Variants in CAST observed in about 807,000 individuals in gnomAD.
CAST encodes MIR583 host.
CAST carries 76 observed loss-of-function variants against 119.6 expected under a neutral mutation model. That is an observed-to-expected ratio of 0.64 (90% CI 0.53 to 0.77). CAST has a LOEUF of 0.77. CAST is among the 30% of genes least tolerant of loss of function. The probability of loss-of-function intolerance (pLI) is 0.00; values close to 1 mark genes in which losing one functional copy is unlikely to be tolerated. For synonymous variants in CAST, 319 were observed against 331.6 expected, an observed-to-expected ratio of 0.96 and a Z score of 0.41; for missense variants, 953 against 946.5, an observed-to-expected ratio of 1.01 and a Z score of -0.09.
chr5:96,482,832 T>C, the CAST span, among the ~76,000 whole-genome samples: 4 of 151,942 alleles, frequency 2.6e-5, no homozygotes, highest in African/African-American at 9.7e-5. Flanking sequence ...CAAGGAAAAA[T>C]GGAGCCCATG....
the CAST span, among the ~76,000 whole-genome samples, chr5:96,237,652 G>C: frequency 6.6e-6 from 1 of 151,670 alleles, no homozygotes; most frequent in African/African-American, 2.4e-5. Context: ...TTCTTAATTT[G>C]ATTTTGGAAA....
At chr5:96,625,319 A>G (rs1039797276) in intron 1 of CAST, among the ~76,000 whole-genome samples, 11 of 151,944 alleles carry the variant, frequency 7.2e-5, no homozygotes, top group African/African-American at 2.7e-4. Context: ...TCATACGCAC[A>G]CTTAGAAAGT....
At chr5:96,703,519 TA>T (rs1425865010) in intron 3 of CAST, among the ~76,000 whole-genome samples, 3 of 152,368 alleles carry the variant, frequency 2.0e-5, no homozygotes, top group African/African-American at 7.2e-5. Context: ...GTCTATCTTT[TA>T]AGAATACAAA....
intron 9 of CAST, among the ~76,000 whole-genome samples, chr5:96,733,877 C>CA (rs923080675): frequency 7.9e-5 from 12 of 151,880 alleles, no homozygotes; most frequent in Admixed American, 7.9e-4. Flanking sequence ...AACACTGTCT[C>CA]AAAAAAATAA....
At chr5:96,019,662 C>G in the CAST span, among the ~76,000 whole-genome samples, 2 of 152,184 alleles carry the variant, frequency 1.3e-5, no homozygotes, top group East Asian at 3.9e-4. Flanking sequence ...TGACCTCTCC[C>G]AAAGGTCCTG....
the CAST span, among the ~76,000 whole-genome samples, chr5:96,239,253 A>C: frequency 6.6e-6 from 1 of 152,166 alleles, no homozygotes; most frequent in South Asian, 2.1e-4. Context: ...AGTCATTTAA[A>C]TAGTACCTGG....
intron 20 of CAST, among the ~76,000 whole-genome samples, chr5:96,753,028 C>G (rs1328324272): frequency 1.3e-5 from 2 of 150,356 alleles, no homozygotes; most frequent in African/African-American, 2.5e-5. Context: ...GAGTCTCGTT[C>G]TGTCATCCAG....
At chr5:96,431,835 G>A in the CAST span, among the ~76,000 whole-genome samples, 1 of 152,068 alleles carries the variant, frequency 6.6e-6, no homozygotes, top group Middle Eastern at 3.2e-3. Flanking sequence ...TTTTACAACT[G>A]CCTCCTCCCA....
At chr5:96,500,895 A>G in the CAST span, among the ~76,000 whole-genome samples, 1 of 152,246 alleles carries the variant, frequency 6.6e-6, no homozygotes, top group African/African-American at 2.4e-5. Context: ...GAACAATGTC[A>G]GATCATGTTG....
At chr5:96,644,779 A>T (rs1337560996) in intron 1 of CAST, among the ~76,000 whole-genome samples, 1 of 152,232 alleles carries the variant, frequency 6.6e-6, no homozygotes, top group African/African-American at 2.4e-5. Context: ...GTTTGAGACC[A>T]GCCTGGCCAA....
Position 96,774,149 on chromosome 5 carries a change from G to T in CAST, c.*1533G>T, listed in dbSNP as rs1179634911. On this transcript the variant is annotated 3_prime_UTR_variant, in exon 32 of 32. Transcript: ENST00000675179. ...CTAATCCTCCCATTTGGGCAGTATA[G>T]GTGTTTGCTTTTTTGTTTTCTTTTT... 6.5e-6 allele frequency: 1 copy of T among 153,658 alleles called. No homozygotes were observed. The highest frequency in any genetic ancestry group is 1.9e-4 in the East Asian group (1 of 5,344). The allele number at this position is 153,658 out of a possible 1,614,324, so 9.5% of individuals were successfully genotyped here. A position where few individuals can be genotyped will look rare whatever the true frequency, so the allele number is the denominator to read the frequency against.
intron 10 of CAST, among the ~76,000 whole-genome samples, chr5:96,736,495 C>T (rs565851870): frequency 6.6e-6 from 1 of 152,196 alleles, no homozygotes; most frequent in East Asian, 1.9e-4. Flanking sequence ...ATGGAGTTTA[C>T]ATTCCAGTTT....
At chr5:96,212,968 AAT>A in the CAST span, among the ~76,000 whole-genome samples, 2 of 151,960 alleles carry the variant, frequency 1.3e-5, no homozygotes, top group Admixed American at 6.6e-5. Context: ...AAATAAAATA[AAT>A]TAGCCGGGCA....
the CAST span, among the ~76,000 whole-genome samples, chr5:96,414,147 A>G: frequency 6.6e-6 from 1 of 151,696 alleles, no homozygotes; most frequent in Non-Finnish European, 1.5e-5. Flanking sequence ...TAAAAAAAAA[A>G]AAAAAAAATC....
intron 1 of CAST, among the ~76,000 whole-genome samples, chr5:96,656,666 T>G (rs1748162620): frequency 2.0e-5 from 3 of 152,186 alleles, no homozygotes; most frequent in Admixed American, 6.5e-5. Context: ...CCTGCCCGTT[T>G]GGGTCAGTTC....
At chr5:96,683,317 A>C (rs1751674253) in intron 2 of CAST, among the ~76,000 whole-genome samples, 1 of 152,166 alleles carries the variant, frequency 6.6e-6, no homozygotes, top group Admixed American at 6.5e-5. Context: ...GATTTTTGGC[A>C]TTTGGTAGGC....
chr5:96,376,440 T>C, the CAST span, among the ~76,000 whole-genome samples: 2 of 151,964 alleles, frequency 1.3e-5, no homozygotes, highest in African/African-American at 4.8e-5. Context: ...TATTTCTATT[T>C]TTTTTTTTTT....
At chr5:96,593,952 C>T (rs138551935) in intron 1 of CAST, among the ~76,000 whole-genome samples, 70 of 152,354 alleles carry the variant, frequency 4.6e-4, no homozygotes, top group African/African-American at 1.6e-3. Flanking sequence ...CAATGCATGT[C>T]AGCCATTCCT....
chr5:96,696,686 TAA>T (rs57199097), intron 3 of CAST, among the ~76,000 whole-genome samples: 1 of 97,180 alleles, frequency 1.0e-5, no homozygotes, highest in African/African-American at 3.5e-5. Context: ...CTTTCTCTCC[TAA>T]AAAAAAAAAA....
Sources: gnomAD v4.1 joint callset for allele counts (sites outside exome capture counted in the v4.1 genomes callset) on GRCh38, gnomAD v4.1.1 for gene constraint, MANE v1.5 for transcripts, NCBI Gene and HGNC (gene_info 2026-07-23, HGNC 2026-07-21) for gene names.